Variants in CHCHD6 observed in about 807,000 individuals in gnomAD.
The protein encoded by CHCHD6 is MICOS complex subunit MIC25.
A neutral mutation model predicts 32.3 loss-of-function variants in CHCHD6; 28 were observed. That is an observed-to-expected ratio of 0.87 (90% CI 0.64 to 1.19). CHCHD6 has a LOEUF of 1.19. Among genes scored for constraint, CHCHD6 ranks in the 50% most tolerant of loss-of-function variants. CHCHD6 has a pLI of 0.00. For missense variants in CHCHD6, 333 were observed against 307.0 expected, an observed-to-expected ratio of 1.08 and a Z score of -0.63; for synonymous variants, 122 against 117.5, an observed-to-expected ratio of 1.04 and a Z score of -0.25.
chr3:126,858,283 G>A (rs1315704169), intron 5 of CHCHD6, among the ~76,000 whole-genome samples: 1 of 132,606 alleles, frequency 7.5e-6, no homozygotes, highest in Admixed American at 8.2e-5. Flanking sequence ...ACTAGCAGGG[G>A]TCATGTGGTG....
At chr3:126,928,084 A>T (rs2078350727) in intron 6 of CHCHD6, among the ~76,000 whole-genome samples, 1 of 152,136 alleles carries the variant, frequency 6.6e-6, no homozygotes, top group Non-Finnish European at 1.5e-5. Context: ...CCTACAGTAG[A>T]CCATAGTACT....
At chr3:126,835,546 A>G (rs1216553837) in intron 4 of CHCHD6, among the ~76,000 whole-genome samples, 2 of 152,178 alleles carry the variant, frequency 1.3e-5, no homozygotes, top group Non-Finnish European at 2.9e-5. Context: ...TGCTCAGTTC[A>G]TGAATTTCCC....
At chr3:126,923,643 A>C (rs963249960) in intron 6 of CHCHD6, among the ~76,000 whole-genome samples, 3 of 152,224 alleles carry the variant, frequency 2.0e-5, no homozygotes, top group African/African-American at 7.2e-5. Context: ...GTGGTAACCG[A>C]GGGTACAGAT....
chr3:126,819,407 A>G (rs1344402004), intron 4 of CHCHD6, among the ~76,000 whole-genome samples: 1 of 152,206 alleles, frequency 6.6e-6, no homozygotes, highest in African/African-American at 2.4e-5. Flanking sequence ...AACATGGTGG[A>G]ATCTGGCAAA....
At chr3:126,766,121 G>A (rs1937362227) in intron 4 of CHCHD6, among the ~76,000 whole-genome samples, 1 of 151,938 alleles carries the variant, frequency 6.6e-6, no homozygotes, top group African/African-American at 2.4e-5. Flanking sequence ...GTGTATTCAG[G>A]AGAGGAAGAA....
At chr3:126,762,850 A>C (rs1426572548) in intron 4 of CHCHD6, among the ~76,000 whole-genome samples, 1 of 152,104 alleles carries the variant, frequency 6.6e-6, no homozygotes, top group Non-Finnish European at 1.5e-5. Context: ...TTTGTACTTA[A>C]AGTCTACTTT....
At position 126,752,713 on chromosome 3, in the gene CHCHD6, C is replaced by T. The variant is rs966935835; in HGVS notation, c.411+19491C>T. Among the ~76,000 whole-genome samples, 4 of 152,174 alleles carry T rather than the reference C, an allele frequency of 2.6e-5. No homozygotes were observed. The South Asian group carries it at 6.2e-4, about 24-fold the overall frequency. ...ACTGCCCTGTGGGGACTTAGCATCCCGTTCGTTCTCCCTGCCCCTTTAGCG... is the reference window on the plus strand; with the variant it reads ...ACTGCCCTGTGGGGACTTAGCATCCTGTTCGTTCTCCCTGCCCCTTTAGCG... On this transcript the variant is annotated intron_variant, in intron 4 of 7. Transcript: ENST00000290913.
At chr3:126,924,906 A>G (rs1439259078) in intron 6 of CHCHD6, among the ~76,000 whole-genome samples, 1 of 152,196 alleles carries the variant, frequency 6.6e-6, no homozygotes, top group African/African-American at 2.4e-5. Flanking sequence ...CTTTCCTTCC[A>G]GGCCTCCATC....
chr3:126,956,895 A>T (rs1230256201), intron 6 of CHCHD6: 1 of 156,026 alleles, frequency 6.4e-6, no homozygotes, highest in Admixed American at 6.1e-5. Flanking sequence ...TATTGCACGC[A>T]TATTAGTTTT....
At chr3:126,829,523 T>C (rs1940545311) in intron 4 of CHCHD6, among the ~76,000 whole-genome samples, 1 of 151,996 alleles carries the variant, frequency 6.6e-6, no homozygotes, top group African/African-American at 2.4e-5. Flanking sequence ...ATGGACTGAA[T>C]GTTTGTGTCC....
intron 4 of CHCHD6, among the ~76,000 whole-genome samples, chr3:126,803,558 C>G (rs1939193878): frequency 6.6e-6 from 1 of 152,206 alleles, no homozygotes; most frequent in Non-Finnish European, 1.5e-5. Context: ...CACCCAGATT[C>G]ATAAAGCAAG....
At chr3:126,776,183 C>G (rs900303144) in intron 4 of CHCHD6, among the ~76,000 whole-genome samples, 7 of 152,180 alleles carry the variant, frequency 4.6e-5, no homozygotes, top group Non-Finnish European at 1.0e-4. Flanking sequence ...GAGCATCTTG[C>G]TACAGTGCGT....
At chr3:126,780,292 T>C (rs1404717326) in intron 4 of CHCHD6, 2 of 412,412 alleles carry the variant, frequency 4.8e-6, no homozygotes, top group East Asian at 7.7e-5. Flanking sequence ...CTTTTGTTTT[T>C]AGTTTTTTCT....
At chr3:126,853,689 G>C (rs1433283843) in intron 5 of CHCHD6, among the ~76,000 whole-genome samples, 1 of 152,162 alleles carries the variant, frequency 6.6e-6, no homozygotes, top group Non-Finnish European at 1.5e-5. Flanking sequence ...GGCCAGAGTT[G>C]ACATGCCATG....
chr3:126,936,151 C>T (rs986302939), intron 6 of CHCHD6, among the ~76,000 whole-genome samples: 1 of 152,220 alleles, frequency 6.6e-6, no homozygotes, highest in Admixed American at 6.5e-5. Flanking sequence ...CCTTTCCTCT[C>T]AGCCAGGTGA....
chr3:126,721,938 T>C (rs562690741), intron 1 of CHCHD6, among the ~76,000 whole-genome samples: 5 of 152,316 alleles, frequency 3.3e-5, no homozygotes, highest in African/African-American at 1.2e-4. Flanking sequence ...TTCCCTTTTA[T>C]GGCTGAATAA....
chr3:126,781,798 ATTTTCCCACTCTCTTTTTTAGCCTCTTGG>A (rs1183925349), intron 4 of CHCHD6, among the ~76,000 whole-genome samples: 1 of 151,812 alleles, frequency 6.6e-6, no homozygotes, highest in Non-Finnish European at 1.5e-5. Flanking sequence ...TCTCAACTTC[ATTTTCCCACTCTCTTTTTTAGCCTCTTGG>A]AGCTGAGATC....
At chr3:126,844,927 G>A (rs2107548526) in intron 4 of CHCHD6, among the ~76,000 whole-genome samples, 2 of 152,308 alleles carry the variant, frequency 1.3e-5, no homozygotes, top group Admixed American at 1.3e-4. Context: ...AGGAATGGGG[G>A]TAGCCGCTAG....
At chr3:126,704,460 G>A in intron 1 of CHCHD6, 61 bp downstream of exon 1, 1 of 1,086,806 alleles carries the variant, frequency 9.2e-7, no homozygotes, top group Non-Finnish European at 1.2e-6. Context: ...GGGGAGGTGC[G>A]GGGCGGAGCG....
Sources: allele counts gnomAD v4.1 joint callset (sites outside exome capture counted in the v4.1 genomes callset), GRCh38; gene constraint gnomAD v4.1.1; transcripts MANE v1.5; gene names NCBI Gene and HGNC (gene_info 2026-07-23, HGNC 2026-07-21).